NECAB2: variants seen among roughly 807,000 people sequenced by gnomAD.
The protein encoded by NECAB2 is N-terminal EF-hand calcium-binding protein 2.
A neutral mutation model predicts 51.9 loss-of-function variants in NECAB2; 68 were observed. That is an observed-to-expected ratio of 1.31 (90% confidence interval 1.08 to 1.60). NECAB2 has a LOEUF of 1.60. NECAB2 is among the 40% of genes most tolerant of loss of function. NECAB2 has a pLI of 0.00. For synonymous variants in NECAB2, 329 were observed against 203.5 expected, an observed-to-expected ratio of 1.62 and a Z score of -5.25; for missense variants, 854 against 490.3, an observed-to-expected ratio of 1.74 and a Z score of -7.00.
intron 5 of NECAB2, among the ~76,000 whole-genome samples, chr16:83,985,556 C>T (rs919027170): frequency 5.9e-5 from 9 of 151,480 alleles, no homozygotes; most frequent in African/African-American, 2.2e-4. Flanking sequence ...TGACTTGAAC[C>T]CGGGAGGTGG....
intron 10 of NECAB2, 113 bp from the exon 11 acceptor site, chr16:84,000,611 A>G (rs1276323557): frequency 1.2e-5 from 9 of 768,578 alleles, no homozygotes; most frequent in Middle Eastern, 2.5e-4. Context: ...AGGAAGAAAC[A>G]TTGAAGGCAG....
intron 5 of NECAB2, among the ~76,000 whole-genome samples, chr16:83,989,358 G>A (rs550319852): frequency 1.1e-4 from 16 of 152,284 alleles, no homozygotes; most frequent in East Asian, 1.9e-4. Context: ...CCTTCACCAC[G>A]CCTTAGCTGT....
intron 3 of NECAB2, 32 bp from the exon 4 acceptor site, chr16:83,980,807 C>G (rs1414765360): frequency 1.3e-6 from 2 of 1,560,410 alleles, no homozygotes; most frequent in African/African-American, 2.7e-5. Flanking sequence ...CTCTCTGTCT[C>G]TGTCTGTCTC....
chr16:83,998,581 C>T (rs1034591577), intron 10 of NECAB2, among the ~76,000 whole-genome samples: 1 of 152,180 alleles, frequency 6.6e-6, no homozygotes, highest in Non-Finnish European at 1.5e-5. Context: ...CTGGGGTGAT[C>T]ATGAGTGCAT....
chr16:83,980,876 G>C lies in NECAB2; in HGVS notation c.361+12G>C, dbSNP rs1406395976. 1 of 1,611,902 alleles carries C rather than the reference G, an allele frequency of 6.2e-7. No homozygotes were observed. Among genetic ancestry groups the C allele is most frequent in the Non-Finnish European group, 8.5e-7 (1 of 1,178,804 alleles). On this transcript the variant is annotated intron_variant, in intron 4 of 12. Coordinates refer to ENST00000305202, the MANE Select transcript of NECAB2 (RefSeq NM_019065.3). ...CAAGGAGCTGTGTGGTAGGTGCCTG[G>C]CTATGCTGGGACCAAGATGGGGATG...
At chr16:83,965,893 G>A (rs773776869), upstream of NECAB2, 3 of 1,612,892 alleles carry the variant, frequency 1.9e-6, no homozygotes, top group East Asian at 6.7e-5. Context: ...CCCGCCAGGA[G>A]GGCCTGTACG....
intron 6 of NECAB2, among the ~76,000 whole-genome samples, chr16:83,994,063 G>A (rs566619485): frequency 2.0e-5 from 3 of 152,298 alleles, no homozygotes; most frequent in African/African-American, 7.2e-5. Flanking sequence ...TAGGCCGTGG[G>A]GTCCTAGAAT....
intron 5 of NECAB2, among the ~76,000 whole-genome samples, chr16:83,989,766 A>G (rs573245021): frequency 6.6e-6 from 1 of 152,350 alleles, no homozygotes; most frequent in Admixed American, 6.5e-5. Flanking sequence ...GCAGAATCTC[A>G]GGACAGAGGT....
chr16:84,000,079 A>AC (rs1491532239), intron 10 of NECAB2, among the ~76,000 whole-genome samples: 1 of 150,244 alleles, frequency 6.7e-6, no homozygotes, highest in East Asian at 1.9e-4. Flanking sequence ...TTTTAAAGAG[A>AC]CAGTGTTTTG....
intron 5 of NECAB2, among the ~76,000 whole-genome samples, chr16:83,981,936 G>C (rs1180931858): frequency 6.6e-6 from 1 of 152,176 alleles, no homozygotes; most frequent in Admixed American, 6.5e-5. Flanking sequence ...TGAGGCCGGG[G>C]AACTTAGCTG....
Position 83,997,078 on chromosome 16 carries a change from A to G in NECAB2, c.796-138A>G. 4.7e-6 allele frequency: 4 copies of G among 846,066 alleles called. No homozygotes were observed. The South Asian group carries it at 6.4e-5, about 14-fold the overall frequency. The allele number at this position is 846,066 out of a possible 1,614,324, so 52.4% of individuals were successfully genotyped here. ...CCAGAGGGAGTCTCTGCCACTTCCT[A>G]GCGTTGGTCTCCCAGCCCTGTGCAA... On this transcript the variant is annotated intron_variant, in intron 8 of 12. Coordinates refer to ENST00000305202, the MANE Select transcript of NECAB2 (RefSeq NM_019065.3).
Position 83,997,721 on chromosome 16 carries a change from C to G in NECAB2, c.849+452C>G, listed in dbSNP as rs146900156. ...TGTTGGTCAGGCTGGTCTCAAACTC[C>G]TATCCTCATGATCTGCCCACCTTGG... On this transcript the variant is annotated intron_variant, in intron 9 of 12. Transcript: ENST00000305202. Among the ~76,000 whole-genome samples, 856 of 152,052 alleles carry G rather than the reference C, an allele frequency of 5.6e-3. 10 individuals are homozygous for G. The highest frequency in any genetic ancestry group is 0.02 in the African/African-American group (819 of 41,418).
At chr16:83,992,385 C>CCCCG (rs926988959) in intron 6 of NECAB2, among the ~76,000 whole-genome samples, 2 of 143,956 alleles carry the variant, frequency 1.4e-5, no homozygotes, top group Admixed American at 6.8e-5. Context: ...CGTCCCCCCG[C>CCCCG]CCACCTCCAT....
At chr16:83,994,504 A>G in intron 7 of NECAB2, 84 bp downstream of exon 7, 3 of 1,594,650 alleles carry the variant, frequency 1.9e-6, no homozygotes, top group Non-Finnish European at 2.6e-6. Flanking sequence ...GACTGGGGAG[A>G]TGAGCAAGTT....
chr16:83,983,247 A>G (rs1182232521), intron 5 of NECAB2, among the ~76,000 whole-genome samples: 1 of 152,096 alleles, frequency 6.6e-6, no homozygotes, highest in Non-Finnish European at 1.5e-5. Flanking sequence ...CTTTTCTTGT[A>G]TGTGCTGTTT....
Position 84,002,513 on chromosome 16 carries a change from C to G in NECAB2, c.*167C>G, listed in dbSNP as rs753735688. On this transcript the variant is annotated 3_prime_UTR_variant, in exon 13 of 13. Coordinates refer to ENST00000305202, the MANE Select transcript of NECAB2 (RefSeq NM_019065.3). ...TGAAGGAGGCCGCCCCTGCCCCCAC[C>G]TGAGAAGGCAGAGCAGTGTCTGTGC... is the stretch of plus-strand genomic sequence containing the variant. 16 of 854,604 alleles carry G rather than the reference C, an allele frequency of 1.9e-5. No homozygotes were observed. The East Asian group carries it at 3.7e-4, about 20-fold the overall frequency. 52.9% of individuals were successfully genotyped at this position (854,604 alleles called of 1,614,324 possible). A position where few individuals can be genotyped will look rare whatever the true frequency, so the allele number is the denominator to read the frequency against.
chr16:83,968,423 C>G lies in NECAB2; in HGVS notation c.-226C>G, dbSNP rs1265327906. ...GCCCCGGCGGGCAGTCCTCAGGCCC[C>G]GCGCCCGGCCGGCGGGGGTGGGGGC... On this transcript the variant is annotated 5_prime_UTR_variant, in exon 1 of 13. Transcript: ENST00000305202. Among the ~76,000 whole-genome samples, 1 of 148,304 alleles carries G rather than the reference C, an allele frequency of 6.7e-6. No homozygotes were observed. Among genetic ancestry groups the G allele is most frequent in the Non-Finnish European group, 1.5e-5 (1 of 66,798 alleles).
intron 10 of NECAB2, among the ~76,000 whole-genome samples, chr16:84,000,073 A>T (rs56314417): frequency 0.18 from 25,739 of 139,892 alleles, 4,043 homozygotes; most frequent in African/African-American, 0.54. Context: ...TTTTTTTTTT[A>T]AAGAGACAGT....
At position 84,001,919 on chromosome 16, in the gene NECAB2, A is replaced by C. The variant is rs1567682480; in HGVS notation, c.1132+3A>C. 6.2e-7 allele frequency: 1 copy of C among 1,613,728 alleles called. No individual in the cohort carries two copies. The highest frequency in any genetic ancestry group is 1.7e-5 in the Admixed American group (1 of 60,012). ...CCTCTCCAGGATCTTGGTGCCAGGTAGGGGGCAAAGGCCTGGAACTGCAGT... is the reference window on the plus strand; with the variant it reads ...CCTCTCCAGGATCTTGGTGCCAGGTCGGGGGCAAAGGCCTGGAACTGCAGT... On this transcript the variant is annotated splice_donor_region_variant and intron_variant, in intron 12 of 12. Coordinates refer to ENST00000305202, the MANE Select transcript of NECAB2 (RefSeq NM_019065.3).
Sources: allele counts gnomAD v4.1 joint callset (sites outside exome capture counted in the v4.1 genomes callset), GRCh38; gene constraint gnomAD v4.1.1; transcripts MANE v1.5; gene names NCBI Gene and HGNC (gene_info 2026-07-23, HGNC 2026-07-21).